CDC42BPB: variants seen among roughly 807,000 people sequenced by gnomAD.
The protein encoded by CDC42BPB is serine/threonine-protein kinase MRCK beta.
Under a neutral mutation model 214.9 loss-of-function variants are expected in CDC42BPB, and 37 were observed. That is an observed-to-expected ratio of 0.17 (90% confidence interval 0.13 to 0.23). The LOEUF is 0.23. Ranked by LOEUF, CDC42BPB falls within the 10% of genes least tolerant of loss-of-function variation. The probability of loss-of-function intolerance (pLI) is 1.00; values close to 1 mark genes in which losing one functional copy is unlikely to be tolerated. For synonymous variants in CDC42BPB, 931 were observed against 884.0 expected, an observed-to-expected ratio of 1.05 and a Z score of -0.94; for missense variants, 1,694 against 2,227.0, an observed-to-expected ratio of 0.76 and a Z score of 4.82.
chr14:103,056,894 G>A (rs996063517), intron 1 of CDC42BPB, 105 bp downstream of exon 1: 45 of 788,838 alleles, frequency 5.7e-5, no homozygotes, highest in South Asian at 1.5e-4. Context: ...GTGGGCAGGA[G>A]GGCGGCAGGG....
At chr14:103,033,577 T>C (rs904579088) in intron 1 of CDC42BPB, among the ~76,000 whole-genome samples, 2 of 152,156 alleles carry the variant, frequency 1.3e-5, no homozygotes, top group African/African-American at 2.4e-5. Context: ...ACTTTGAAAT[T>C]TGAATAGGAA....
chr14:103,008,340 G>A, intron 3 of CDC42BPB, 132 bp downstream of exon 3: 1 of 650,010 alleles, frequency 1.5e-6, no homozygotes, highest in Non-Finnish European at 2.8e-6. Flanking sequence ...TCAAAAGAGA[G>A]TGCTCGCTCT....
At chr14:102,968,912 AG>A in intron 14 of CDC42BPB, 196 bp from the exon 15 acceptor site, 3 of 985,370 alleles carry the variant, frequency 3.0e-6, no homozygotes, top group Non-Finnish European at 3.6e-6. Context: ...ACGGCCTTGC[AG>A]GGGGATGTGC....
chr14:102,946,312 C>CTT, intron 28 of CDC42BPB, among the ~76,000 whole-genome samples, 156 bp downstream of exon 28: 1 of 56,340 alleles, frequency 1.8e-5, no homozygotes, highest in Middle Eastern at 7.6e-3. Context: ...CGTGAGCCAC[C>CTT]GCACCCGGCC....
chr14:102,968,742 G>T, intron 14 of CDC42BPB, 26 bp from the exon 15 acceptor site: 1 of 1,611,126 alleles, frequency 6.2e-7, no homozygotes, highest in South Asian at 1.1e-5. Flanking sequence ...AACATAAATT[G>T]ACAAACCTCT....
chr14:103,047,948 C>G (rs1051152652), intron 1 of CDC42BPB, among the ~76,000 whole-genome samples: 1 of 149,194 alleles, frequency 6.7e-6, no homozygotes, highest in Non-Finnish European at 1.5e-5. Context: ...AAAAATTCAC[C>G]TCCGATGAAT....
At chr14:102,996,380 T>C (rs1295556855) in intron 5 of CDC42BPB, among the ~76,000 whole-genome samples, 1 of 152,092 alleles carries the variant, frequency 6.6e-6, no homozygotes, top group Non-Finnish European at 1.5e-5. Flanking sequence ...ACGCTTTCTA[T>C]TTAGGGGGAG....
chr14:102,939,781 C>G, intron 33 of CDC42BPB, 49 bp downstream of exon 33: 1 of 1,614,004 alleles, frequency 6.2e-7, no homozygotes, highest in Non-Finnish European at 8.5e-7. Flanking sequence ...TCCTCTTGGC[C>G]CCCTCCCTAG....
In CDC42BPB at chr14:103,038,686, C is replaced by A. The variant is rs1031569232; in HGVS notation, c.175+18313G>T. On this transcript the variant is annotated intron_variant, in intron 1 of 36. Coordinates refer to ENST00000361246, the MANE Select transcript of CDC42BPB (RefSeq NM_006035.4). ...AGACTACAGGTGAGCACCACCATGC[C>A]CAGCTAATTTTTCTATTTTTTGTAG... is the stretch of plus-strand genomic sequence containing the variant. 2.5e-5 allele frequency among the ~76,000 whole-genome samples: 3 copies of A among 121,870 alleles called. No homozygotes were observed. The South Asian group carries it at 7.8e-4, about 32-fold the overall frequency. 80.0% of individuals were successfully genotyped at this position (121,870 alleles called of 152,430 possible). A position where few individuals can be genotyped will look rare whatever the true frequency, so the allele number is the denominator to read the frequency against.
At chr14:102,949,984 C>G (rs1253865151) in intron 25 of CDC42BPB, 80 bp from the exon 26 acceptor site, 1 of 1,577,848 alleles carries the variant, frequency 6.3e-7, no homozygotes, top group Non-Finnish European at 8.6e-7. Context: ...TTCACAATCT[C>G]CTTCCAGCTG....
chr14:102,968,373 G>C lies in CDC42BPB; in HGVS notation c.2241-15C>G. ...TCTCGTTATGCCTGCCAAGGTGAGC[G>C]AGAAACAGTTTTAAAAGCTCGTAAC... On this transcript the variant is annotated splice_polypyrimidine_tract_variant and intron_variant, in intron 15 of 36. Transcript: ENST00000361246. The C allele has an allele frequency of 6.2e-7, 1 of 1,613,294 alleles. No homozygotes were observed. The highest frequency in any genetic ancestry group is 8.5e-7 in the Non-Finnish European group (1 of 1,179,678).
rs1467093630 is a variant in CDC42BPB at position 102,959,798 on chromosome 14, A to G, written c.2822-88T>C. On this transcript the variant is annotated intron_variant, in intron 20 of 36. Coordinates refer to ENST00000361246, the MANE Select transcript of CDC42BPB (RefSeq NM_006035.4). ...CAGACTCAGTGTCTTCAAGATGTCA[A>G]TTCTCCTTGAGTAACTGATACATCT... is the stretch of plus-strand genomic sequence containing the variant. The G allele has an allele frequency of 9.0e-6, 12 of 1,339,054 alleles. 1 individual carries two copies. In the South Asian group the frequency reaches 1.0e-4, roughly 11 times the overall value. 82.9% of individuals were successfully genotyped at this position (1,339,054 alleles called of 1,614,324 possible).
chr14:102,972,827 G>A (rs1009366621), intron 12 of CDC42BPB, among the ~76,000 whole-genome samples: 3 of 146,452 alleles, frequency 2.0e-5, no homozygotes, highest in African/African-American at 5.1e-5. Flanking sequence ...CTGCACAGCC[G>A]CAAAGCTGAA....
intron 5 of CDC42BPB, among the ~76,000 whole-genome samples, chr14:102,986,901 G>A (rs953854406): frequency 4.6e-5 from 7 of 152,166 alleles, no homozygotes; most frequent in African/African-American, 1.7e-4. Context: ...ACCTATGCAC[G>A]TGACAACGCT....
At chr14:103,019,850 T>C (rs1305614181) in intron 1 of CDC42BPB, among the ~76,000 whole-genome samples, 1 of 152,078 alleles carries the variant, frequency 6.6e-6, no homozygotes, top group African/African-American at 2.4e-5. Flanking sequence ...CACCGACAAA[T>C]ATGAGATCTA....
chr14:102,935,022 A>AAAAAAAAG (rs1453307617), intron 36 of CDC42BPB, among the ~76,000 whole-genome samples: 1 of 151,688 alleles, frequency 6.6e-6, no homozygotes, highest in African/African-American at 2.4e-5. Flanking sequence ...TCAAAAAAAA[A>AAAAAAAAG]AAAAAAAGAA....
chr14:102,951,032 C>T (rs1472163523), intron 24 of CDC42BPB, among the ~76,000 whole-genome samples: 1 of 152,144 alleles, frequency 6.6e-6, no homozygotes, highest in Non-Finnish European at 1.5e-5. Flanking sequence ...TCCAGACACC[C>T]AAAAAGGTAA....
chr14:103,031,476 C>CA (rs1887372686), intron 1 of CDC42BPB, among the ~76,000 whole-genome samples: 1 of 152,240 alleles, frequency 6.6e-6, no homozygotes, highest in Non-Finnish European at 1.5e-5. Context: ...GTGCAGTCTG[C>CA]ATTTCCTTTC....
intron 1 of CDC42BPB, among the ~76,000 whole-genome samples, chr14:103,037,300 T>C (rs1887716952): frequency 6.6e-6 from 1 of 152,032 alleles, no homozygotes; most frequent in South Asian, 2.1e-4. Context: ...AGCACGCTTT[T>C]CTTTTTCTTT....
Sources: gnomAD v4.1 joint callset for allele counts (sites outside exome capture counted in the v4.1 genomes callset) on GRCh38, gnomAD v4.1.1 for gene constraint, MANE v1.5 for transcripts, NCBI Gene and HGNC (gene_info 2026-07-23, HGNC 2026-07-21) for gene names.